The following CNTN5 variants were observed in gnomAD, a reference collection of about 807,000 sequenced individuals.
The protein encoded by CNTN5 is contactin-5.
A neutral mutation model predicts 129.1 loss-of-function variants in CNTN5; 77 were observed. That is an observed-to-expected ratio of 0.60 (90% CI 0.50 to 0.72). The LOEUF is 0.72. CNTN5 is among the 30% of genes least tolerant of loss of function. The pLI, the probability that CNTN5 is intolerant of heterozygous loss-of-function variation, is 0.00. For missense variants in CNTN5, 1,478 were observed against 1,328.8 expected, an observed-to-expected ratio of 1.11 and a Z score of -1.75; for synonymous variants, 509 against 465.6, an observed-to-expected ratio of 1.09 and a Z score of -1.20.
At chr11:99,323,852 A>AAGAAAAGAATGAAGGG (rs1440597637) in intron 1 of CNTN5, among the ~76,000 whole-genome samples, 14 of 152,282 alleles carry the variant, frequency 9.2e-5, no homozygotes, top group African/African-American at 3.4e-4. Flanking sequence ...TTACAATATT[A>AAGAAAAGAATGAAGGG]AGAAAAGAAT....
At chr11:99,708,435 T>C (rs902196108) in intron 3 of CNTN5, among the ~76,000 whole-genome samples, 3 of 151,634 alleles carry the variant, frequency 2.0e-5, no homozygotes, top group African/African-American at 4.8e-5. Context: ...AGTCAATCAG[T>C]CAACATGAAA....
chr11:99,150,464 A>C (rs980473508), intron 1 of CNTN5, among the ~76,000 whole-genome samples: 2 of 151,996 alleles, frequency 1.3e-5, no homozygotes, highest in African/African-American at 2.4e-5. Flanking sequence ...TAGTAATCCA[A>C]GACTTATGAA....
chr11:99,641,565 A>C (rs189406826), intron 3 of CNTN5, among the ~76,000 whole-genome samples: 28 of 152,098 alleles, frequency 1.8e-4, no homozygotes, highest in Admixed American at 2.6e-4. Flanking sequence ...TAGGAAGTAG[A>C]AATGTGTAGT....
At position 99,758,822 on chromosome 11, in the gene CNTN5, G is replaced by T. The variant is rs936728797; in HGVS notation, c.56-60722G>T. ...GCAAAAATTATGCAAGCATTTTGAG[G>T]TTATTCATAATTCATAGTATAAGAT... On this transcript the variant is annotated intron_variant, in intron 3 of 24. Transcript: ENST00000524871. Among the ~76,000 whole-genome samples the T allele has an allele frequency of 2.0e-5, 3 of 152,146 alleles. No individual in the cohort carries two copies. In the East Asian group the frequency reaches 5.8e-4, roughly 29 times the overall value.
intron 2 of CNTN5, among the ~76,000 whole-genome samples, chr11:99,404,789 G>A (rs1325088291): frequency 1.3e-5 from 2 of 151,874 alleles, no homozygotes; most frequent in Admixed American, 1.3e-4. Context: ...GTGGTTTTTT[G>A]AGATACTTAC....
intron 16 of CNTN5, among the ~76,000 whole-genome samples, chr11:100,239,049 G>T (rs1949683782): frequency 2.0e-5 from 3 of 152,136 alleles, no homozygotes; most frequent in Admixed American, 2.0e-4. Flanking sequence ...ATCACCATTA[G>T]GGCCATCTCA....
At chr11:100,257,627 T>C (rs1273114248) in intron 17 of CNTN5, among the ~76,000 whole-genome samples, 1 of 152,178 alleles carries the variant, frequency 6.6e-6, no homozygotes. Flanking sequence ...CACCCTCTGC[T>C]GGTGATACCC....
intron 3 of CNTN5, among the ~76,000 whole-genome samples, chr11:99,691,955 T>A (rs967735400): frequency 3.3e-5 from 5 of 152,172 alleles, no homozygotes; most frequent in African/African-American, 9.7e-5. Context: ...ATATTTAGGA[T>A]AGTTAGTTCT....
At chr11:99,030,906 G>A (rs184572200) in intron 1 of CNTN5, among the ~76,000 whole-genome samples, 3 of 150,668 alleles carry the variant, frequency 2.0e-5, no homozygotes, top group East Asian at 2.0e-4. Flanking sequence ...TCAGCCTCCC[G>A]AGTAGCTGCG....
intron 1 of CNTN5, among the ~76,000 whole-genome samples, chr11:99,185,224 G>A (rs187866995): frequency 3.2e-4 from 48 of 151,838 alleles, no homozygotes; most frequent in African/African-American, 1.2e-3. Flanking sequence ...GTGAGCATAG[G>A]AAGAGATGAG....
chr11:99,606,395 G>A (rs2135715036), intron 3 of CNTN5, among the ~76,000 whole-genome samples: 1 of 138,310 alleles, frequency 7.2e-6, no homozygotes, highest in East Asian at 2.1e-4. Context: ...TACAAGGGAT[G>A]TGAAGGACCT....
chr11:99,943,034 G>C (rs1950475558), intron 7 of CNTN5, among the ~76,000 whole-genome samples: 1 of 151,942 alleles, frequency 6.6e-6, no homozygotes, highest in South Asian at 2.1e-4. Flanking sequence ...CTTTATAGTA[G>C]AATGATTTAT....
At chr11:99,599,920 G>T (rs1950261117) in intron 3 of CNTN5, among the ~76,000 whole-genome samples, 1 of 152,034 alleles carries the variant, frequency 6.6e-6, no homozygotes, top group East Asian at 1.9e-4. Flanking sequence ...TAGGAATGTG[G>T]AGAAAGGAAA....
At chr11:99,062,217 C>A (rs912618457) in intron 1 of CNTN5, among the ~76,000 whole-genome samples, 14 of 152,008 alleles carry the variant, frequency 9.2e-5, no homozygotes, top group East Asian at 1.9e-4. Context: ...CTAACTAAAT[C>A]TAAAGAATTC....
At chr11:99,618,329 A>T (rs1366836341) in intron 3 of CNTN5, among the ~76,000 whole-genome samples, 1 of 152,200 alleles carries the variant, frequency 6.6e-6, no homozygotes, top group Non-Finnish European at 1.5e-5. Context: ...GAAGGCAGGA[A>T]CATGGTGGGT....
At chr11:100,099,479 G>T (rs990840391) in intron 13 of CNTN5, among the ~76,000 whole-genome samples, 1 of 151,944 alleles carries the variant, frequency 6.6e-6, no homozygotes, top group South Asian at 2.1e-4. Context: ...TAATTAGTTT[G>T]TCCATTGGTT....
rs149622342 is a variant in CNTN5 at position 99,590,779 on chromosome 11, C to A, written c.55+34510C>A. Among the ~76,000 whole-genome samples, 575 of 152,248 alleles carry A rather than the reference C, an allele frequency of 3.8e-3. 3 individuals are homozygous for A. Among genetic ancestry groups the A allele is most frequent in the African/African-American group, 0.013 (528 of 41,550 alleles). The stretch of plus-strand genomic sequence containing the variant: ...GGTTTGAGATGATTAAAGAAGAAGG[C>A]TAATGCCAATCATCTTGACCATGCT... On this transcript the variant is annotated intron_variant, in intron 3 of 24. Coordinates refer to ENST00000524871, the MANE Select transcript of CNTN5 (RefSeq NM_014361.4).
chr11:99,138,602 G>A (rs1213542481), intron 1 of CNTN5, among the ~76,000 whole-genome samples: 3 of 152,066 alleles, frequency 2.0e-5, no homozygotes, highest in African/African-American at 4.8e-5. Context: ...TTAATTAATC[G>A]ATTATGCATC....
chr11:99,054,354 C>G (rs1289941655), intron 1 of CNTN5, among the ~76,000 whole-genome samples: 1 of 151,832 alleles, frequency 6.6e-6, no homozygotes, highest in Non-Finnish European at 1.5e-5. Flanking sequence ...TGTAACACAA[C>G]ATTTGTCTTA....
Sources: allele counts gnomAD v4.1 joint callset (sites outside exome capture counted in the v4.1 genomes callset), GRCh38; gene constraint gnomAD v4.1.1; transcripts MANE v1.5; gene names NCBI Gene and HGNC (gene_info 2026-07-23, HGNC 2026-07-21).